The following MAGI1 variants were observed in gnomAD, a reference collection of about 807,000 sequenced individuals.
The protein encoded by MAGI1 is membrane-associated guanylate kinase, WW and PDZ domain-containing protein 1.
A neutral mutation model predicts 139.9 loss-of-function variants in MAGI1; 58 were observed. The ratio of observed to expected loss-of-function variants is 0.41; its 90% CI spans 0.34 to 0.52. The LOEUF is 0.52. MAGI1 is among the 20% of genes least tolerant of loss of function. The probability of loss-of-function intolerance (pLI) is 0.12; values close to 1 mark genes in which losing one functional copy is unlikely to be tolerated. For missense variants in MAGI1, 1,874 were observed against 1,901.6 expected (o/e 0.99, Z 0.27); for synonymous variants, 812 against 737.9 (o/e 1.10, Z -1.63).
At chr3:65,815,903 G>A (rs1310711607) in intron 1 of MAGI1, among the ~76,000 whole-genome samples, 2 of 152,222 alleles carry the variant, frequency 1.3e-5, no homozygotes, top group East Asian at 3.9e-4. Flanking sequence ...ACTCCCCAAC[G>A]CAGAGATCTA....
intron 1 of MAGI1, among the ~76,000 whole-genome samples, chr3:65,885,425 T>C (rs149604828): frequency 6.4e-4 from 98 of 151,952 alleles, no homozygotes; most frequent in Admixed American, 6.0e-3. Flanking sequence ...TTTTCACATA[T>C]ATTGTGAACG....
At chr3:65,879,008 G>A (rs868183614) in intron 1 of MAGI1, among the ~76,000 whole-genome samples, 2 of 152,148 alleles carry the variant, frequency 1.3e-5, no homozygotes, top group Non-Finnish European at 2.9e-5. Context: ...GGGGGTTGCA[G>A]TGATCAAAGT....
intron 12 of MAGI1, among the ~76,000 whole-genome samples, chr3:65,420,602 T>C (rs1314783889): frequency 6.6e-6 from 1 of 152,176 alleles, no homozygotes; most frequent in Non-Finnish European, 1.5e-5. Flanking sequence ...CACGTGATGT[T>C]AATGAATTTG....
At chr3:65,520,986 T>G (rs2078127177) in intron 2 of MAGI1, among the ~76,000 whole-genome samples, 1 of 152,162 alleles carries the variant, frequency 6.6e-6, no homozygotes, top group Non-Finnish European at 1.5e-5. Context: ...ACTTAAGAGA[T>G]TCTGCAAATT....
intron 1 of MAGI1, among the ~76,000 whole-genome samples, chr3:65,887,415 C>A (rs558922235): frequency 2.8e-5 from 4 of 142,872 alleles, no homozygotes; most frequent in East Asian, 2.0e-4. Flanking sequence ...AGGGCAGGGG[C>A]AAGAGGGGGA....
intron 1 of MAGI1, among the ~76,000 whole-genome samples, chr3:65,819,875 CAA>C (rs3077818): frequency 0.028 from 932 of 33,380 alleles, 8 homozygotes; most frequent in African/African-American, 0.069. Flanking sequence ...GACTCCATCT[CAA>C]AAAAAAAAAA....
At chr3:65,545,611 T>C (rs140919663) in intron 2 of MAGI1, among the ~76,000 whole-genome samples, 35 of 152,282 alleles carry the variant, frequency 2.3e-4, no homozygotes, top group African/African-American at 6.5e-4. Flanking sequence ...ATTCTAGCCA[T>C]CTATTCATTC....
chr3:65,930,080 G>T (rs540059053), intron 1 of MAGI1, among the ~76,000 whole-genome samples: 2 of 152,038 alleles, frequency 1.3e-5, no homozygotes, highest in Non-Finnish European at 2.9e-5. Flanking sequence ...ACTTTGGGAG[G>T]CCGAGGCGGG....
In MAGI1 at chr3:65,478,609, A is replaced by G; in HGVS notation, c.740T>C (p.Met247Thr). The G allele has an allele frequency of 6.2e-7, 1 of 1,614,050 alleles. No homozygotes were observed. The highest frequency in any genetic ancestry group is 8.5e-7 in the Non-Finnish European group (1 of 1,179,974). Reference protein sequence around the residue: ...ENEEEDDVPEMNSSFTADSGE... With the variant: ...ENEEEDDVPETNSSFTADSGE... Reference sequence around the variant, plus strand: ...ACCTTTACCTGTAAAGCTGCTGTTCATTTCAGGAACGTCATCCTCCTCCTC... The same window carrying G: ...ACCTTTACCTGTAAAGCTGCTGTTCGTTTCAGGAACGTCATCCTCCTCCTC... The change falls in exon 4 of 23, where the codon ATG becomes ACG. Residue 247 changes from methionine (M) to threonine (T), a missense_variant. Physicochemically the swap from Met to Thr is moderately conservative, Grantham distance 81. Transcript: ENST00000402939.
intron 1 of MAGI1, among the ~76,000 whole-genome samples, chr3:66,027,277 T>TAAATAA (rs1224603947): frequency 1.4e-4 from 4 of 28,924 alleles, no homozygotes; most frequent in Non-Finnish European, 3.7e-4. Flanking sequence ...AATAAATAAA[T>TAAATAA]AAATAAATAA....
intron 1 of MAGI1, among the ~76,000 whole-genome samples, chr3:65,810,374 T>C (rs2041149082): frequency 6.6e-6 from 1 of 152,230 alleles, no homozygotes; most frequent in Admixed American, 6.5e-5. Flanking sequence ...GTGGCAGTAA[T>C]GCCTCTACCC....
At chr3:65,895,227 T>A (rs1034051955) in intron 1 of MAGI1, among the ~76,000 whole-genome samples, 1 of 152,226 alleles carries the variant, frequency 6.6e-6, no homozygotes, top group African/African-American at 2.4e-5. Flanking sequence ...TTCTTCTAAG[T>A]GGGCAGTGTC....
chr3:65,525,872 C>T (rs2078355743), intron 2 of MAGI1, among the ~76,000 whole-genome samples: 1 of 152,182 alleles, frequency 6.6e-6, no homozygotes, highest in African/African-American at 2.4e-5. Flanking sequence ...TGTGTTCAAT[C>T]AGCGTGCCCC....
At chr3:65,717,210 A>G (rs9815082) in intron 1 of MAGI1, among the ~76,000 whole-genome samples, 56,344 of 151,976 alleles carry the variant, frequency 0.37, 11,151 homozygotes, top group Non-Finnish European at 0.42. Flanking sequence ...AAACAACCGA[A>G]AAGTCAAAGA....
chr3:65,488,206 C>T (rs1012874760), intron 3 of MAGI1, among the ~76,000 whole-genome samples: 24 of 152,326 alleles, frequency 1.6e-4, no homozygotes, highest in African/African-American at 5.5e-4. Context: ...CATCTCCCAG[C>T]CTCTCACCTG....
intron 1 of MAGI1, among the ~76,000 whole-genome samples, chr3:65,993,481 C>A (rs1231050328): frequency 6.6e-6 from 1 of 152,186 alleles, no homozygotes; most frequent in African/African-American, 2.4e-5. Flanking sequence ...AAACACACTT[C>A]ACACATTAGT....
intron 2 of MAGI1, among the ~76,000 whole-genome samples, chr3:65,501,077 C>T (rs1269572182): frequency 1.3e-5 from 2 of 152,162 alleles, no homozygotes; most frequent in Admixed American, 6.5e-5. Context: ...CCATATATGA[C>T]AATCAGCACT....
At chr3:65,968,515 A>G (rs1324206505) in intron 1 of MAGI1, among the ~76,000 whole-genome samples, 4 of 152,104 alleles carry the variant, frequency 2.6e-5, no homozygotes, top group African/African-American at 9.7e-5. Context: ...TGAAGTGGAA[A>G]AAAACAAGGA....
chr3:65,772,738 A>C (rs538734159), intron 1 of MAGI1, among the ~76,000 whole-genome samples: 130 of 152,374 alleles, frequency 8.5e-4, no homozygotes, highest in Non-Finnish European at 1.4e-3. Context: ...TATTGCAGGT[A>C]AATGAGTCTA....
Sources: allele counts gnomAD v4.1 joint callset (sites outside exome capture counted in the v4.1 genomes callset), GRCh38; gene constraint gnomAD v4.1.1; transcripts MANE v1.5; gene names NCBI Gene and HGNC (gene_info 2026-07-23, HGNC 2026-07-21).